Variants in NTRK1 observed in about 807,000 individuals in gnomAD.
NTRK1 encodes high affinity nerve growth factor receptor.
NTRK1 carries 62 observed loss-of-function variants against 86.8 expected under a neutral mutation model. That is an observed-to-expected ratio of 0.71 (90% CI 0.58 to 0.88). The LOEUF is 0.88. NTRK1 is among the 40% of genes least tolerant of loss of function. The pLI, the probability that NTRK1 is intolerant of heterozygous loss-of-function variation, is 0.00. For missense variants in NTRK1, 967 were observed against 1,078.4 expected, an observed-to-expected ratio of 0.90 and a Z score of 1.45; for synonymous variants, 469 against 456.6, an observed-to-expected ratio of 1.03 and a Z score of -0.35.
At chr1:156,870,329 C>CTTGAGACCAGCAGT (rs1465571194) in intron 6 of NTRK1, among the ~76,000 whole-genome samples, 2 of 152,222 alleles carry the variant, frequency 1.3e-5, no homozygotes, top group Admixed American at 6.5e-5. Context: ...GGGATAATCA[C>CTTGAGACCAGCAGT]TTGAGACCAG....
At chr1:156,875,692 C>A (rs932333060) in intron 12 of NTRK1, 26 bp downstream of exon 12, 2 of 1,554,010 alleles carry the variant, frequency 1.3e-6, no homozygotes, top group Non-Finnish European at 8.7e-7. Context: ...GGGTCAAGGG[C>A]AGGGACGAGT....
At chr1:156,842,892 G>T in intron 2 of NTRK1, 1 of 822,004 alleles carries the variant, frequency 1.2e-6, no homozygotes, top group Non-Finnish European at 2.0e-6. Flanking sequence ...TCCTAACCAT[G>T]GTCCCAATCT....
At chr1:156,851,842 G>A (rs1655221951) in intron 2 of NTRK1, 2 of 1,578,898 alleles carry the variant, frequency 1.3e-6, no homozygotes, top group South Asian at 2.4e-5. Context: ...GCCTCCTCAG[G>A]CCTCCTCACT....
intron 1 of NTRK1, among the ~76,000 whole-genome samples, chr1:156,823,032 A>T (rs556480954): frequency 6.6e-6 from 1 of 152,156 alleles, no homozygotes; most frequent in African/African-American, 2.4e-5. Flanking sequence ...GAATAGGTGG[A>T]AGTTGCTGCT....
At chr1:156,864,696 C>G (rs963923661) in intron 2 of NTRK1, 32 bp from the exon 3 acceptor site, 2 of 1,612,082 alleles carry the variant, frequency 1.2e-6, no homozygotes, top group Non-Finnish European at 1.7e-6. Flanking sequence ...TAGCTGAGAC[C>G]TGGGGACTGA....
In NTRK1 at chr1:156,881,414, C is replaced by A. The variant is rs773488754; in HGVS notation, c.2206-43C>A. 32 of 1,545,186 alleles carry A rather than the reference C, an allele frequency of 2.1e-5. No individual in the cohort carries two copies. In the South Asian group the frequency reaches 3.8e-4, roughly 18 times the overall value. ...TGGGACTGGCCTCACTCTCTTGCCC[C>A]CAGCCTAGTGGGCTTTCTCCTCTGT... On this transcript the variant is annotated intron_variant, in intron 16 of 16. Coordinates refer to ENST00000524377, the MANE Select transcript of NTRK1 (RefSeq NM_002529.4).
chr1:156,840,962 G>C (rs554910069), intron 1 of NTRK1: 21 of 1,613,752 alleles, frequency 1.3e-5, no homozygotes, highest in Non-Finnish European at 1.6e-5. Context: ...AGGGAGCCCC[G>C]GGCCCCCCGG....
intron 1 of NTRK1, chr1:156,841,648 C>T (rs1448525393): frequency 6.2e-7 from 1 of 1,612,898 alleles, no homozygotes; most frequent in South Asian, 1.1e-5. Flanking sequence ...GAGCCCTGTG[C>T]TCCAGCTCGG....
chr1:156,830,097 C>T (rs911703500), intron 1 of NTRK1, among the ~76,000 whole-genome samples: 5 of 152,244 alleles, frequency 3.3e-5, no homozygotes, highest in African/African-American at 7.2e-5. Flanking sequence ...CAGCACAGCC[C>T]GTCTGTGGCT....
At chr1:156,823,548 G>T (rs1654243167) in intron 1 of NTRK1, among the ~76,000 whole-genome samples, 2 of 152,216 alleles carry the variant, frequency 1.3e-5, no homozygotes, top group Admixed American at 6.5e-5. Flanking sequence ...GGAGGGTGCT[G>T]CTGGAGTTTG....
In NTRK1 at chr1:156,871,631, G is replaced by T; in HGVS notation, c.726G>T (p.Gly242=). 1 of 1,614,100 alleles carries T rather than the reference G, an allele frequency of 6.2e-7. No homozygotes were observed. The change falls in exon 7 of 17, where the codon GGG becomes GGT. Residue 242 remains glycine, a synonymous_variant. Coordinates refer to ENST00000524377, the MANE Select transcript of NTRK1 (RefSeq NM_002529.4). ...LEQSATVMKS[G]GLPSLGLTLA... ...TCTCTTTCCTGATCTAGAAATCTGGGGGTCTGCCATCCCTGGGGCTGACCC... is the reference window on the plus strand; with the variant it reads ...TCTCTTTCCTGATCTAGAAATCTGGTGGTCTGCCATCCCTGGGGCTGACCC...
At chr1:156,842,116 G>A (rs1654816635) in exon 2 of NTRK1, 14 of 1,613,812 alleles carry the variant, frequency 8.7e-6, no homozygotes, top group Admixed American at 1.7e-5. Flanking sequence ...CTGTACCCCC[G>A]ATCTTGACGG....
At chr1:156,875,425 G>A (rs1363897675) in intron 11 of NTRK1, 95 bp from the exon 12 acceptor site, 11 of 1,532,900 alleles carry the variant, frequency 7.2e-6, no homozygotes, top group African/African-American at 1.4e-5. Flanking sequence ...TCCCCTGCAA[G>A]TTACAAGGTG....
rs150452564 is a variant in NTRK1, at chr1:156,868,733, G to C, written c.717+86G>C. On this transcript the variant is annotated intron_variant, in intron 6 of 16. Transcript: ENST00000524377. ...GGGGAAAGAGAGACACACTGTGGAGGAAAGAGACAACGAATAAGGAGCACA... is the reference window on the plus strand; with the variant it reads ...GGGGAAAGAGAGACACACTGTGGAGCAAAGAGACAACGAATAAGGAGCACA... 3.9e-3 allele frequency: 5,886 copies of C among 1,520,368 alleles called. 19 individuals carry two copies. The highest frequency in any genetic ancestry group is 4.2e-3 in the Non-Finnish European group (4,712 of 1,129,646). 94.2% of individuals were successfully genotyped at this position (1,520,368 alleles called of 1,614,324 possible).
chr1:156,881,193 C>T (rs1251202168), intron 16 of NTRK1, among the ~76,000 whole-genome samples: 1 of 152,212 alleles, frequency 6.6e-6, no homozygotes, highest in Non-Finnish European at 1.5e-5. Flanking sequence ...GGCAAGTCTT[C>T]TTAGGATCTG....
In NTRK1 at chr1:156,871,747, A is replaced by G. The variant is rs547972574; in HGVS notation, c.842A>G (p.Asn281Ser). The G allele has an allele frequency of 1.9e-5, 30 of 1,614,052 alleles. No individual in the cohort carries two copies. The South Asian group carries it at 1.9e-4, about 10-fold the overall frequency. ...CGGGCAGAGGTCTCTGTTCAGGTCA[A>G]CGTCTCCTGTGAGTCTCAGTGGCAG... ...VGRAEVSVQVNVSFPASVQLH... is the reference protein window; with the variant it reads ...VGRAEVSVQVSVSFPASVQLH... The change falls in exon 7 of 17, where the codon AAC becomes AGC. Residue 281 changes from asparagine (N) to serine (S), a missense_variant. This residue lies in a region of NTRK1 where 637 missense variants were observed against 776.5 expected (regional missense o/e 0.82). Coordinates refer to ENST00000524377, the MANE Select transcript of NTRK1 (RefSeq NM_002529.4).
At chr1:156,864,526 C>A in intron 2 of NTRK1, 98 bp downstream of exon 2, 1 of 1,305,934 alleles carries the variant, frequency 7.7e-7, no homozygotes, top group Non-Finnish European at 1.1e-6. Flanking sequence ...CTGGGAGGAC[C>A]TGAGAGGCTG....
At chr1:156,873,500 T>C (rs569858282) in intron 7 of NTRK1, 133 bp from the exon 8 acceptor site, 1 of 710,930 alleles carries the variant, frequency 1.4e-6, no homozygotes, top group East Asian at 2.7e-5. Flanking sequence ...TCCCAGGGCC[T>C]GCTGACCTGT....
chr1:156,851,134 A>G, intron 2 of NTRK1: 1 of 783,048 alleles, frequency 1.3e-6, no homozygotes, highest in Non-Finnish European at 2.3e-6. Context: ...TATTTTACAG[A>G]TGAGAAAACT....
Sources: allele counts gnomAD v4.1 joint callset (sites outside exome capture counted in the v4.1 genomes callset), GRCh38; gene constraint gnomAD v4.1.1; regional missense constraint gnomAD v4.1.1; transcripts MANE v1.5; gene names NCBI Gene and HGNC (gene_info 2026-07-23, HGNC 2026-07-21).